Variants in PARD3 observed in about 807,000 individuals in gnomAD.
The protein encoded by PARD3 is par-3 family cell polarity regulator.
Under a neutral mutation model 155.4 loss-of-function variants are expected in PARD3, and 75 were observed. That is an observed-to-expected ratio of 0.48 (90% CI 0.40 to 0.58). The LOEUF (loss-of-function observed/expected upper bound fraction) is 0.58, where lower values mean the gene tolerates loss of function less well. PARD3 is among the 20% of genes least tolerant of loss of function. The pLI is 0.00. For synonymous variants in PARD3, 576 were observed against 610.5 expected, an observed-to-expected ratio of 0.94 and a Z score of 0.83; for missense variants, 1,642 against 1,721.7, an observed-to-expected ratio of 0.95 and a Z score of 0.82.
intron 14 of PARD3, among the ~76,000 whole-genome samples, chr10:34,348,910 C>G (rs1837710221): frequency 6.6e-6 from 1 of 152,164 alleles, no homozygotes; most frequent in South Asian, 2.1e-4. Flanking sequence ...CTTAAAACAG[C>G]TAGCTGTGTC....
At chr10:34,297,590 C>T (rs545451767) in intron 20 of PARD3, among the ~76,000 whole-genome samples, 3 of 152,296 alleles carry the variant, frequency 2.0e-5, no homozygotes, top group Admixed American at 6.5e-5. Flanking sequence ...TGGAAGCCCA[C>T]GACCATTTCA....
chr10:34,772,033 T>C (rs1333630533), intron 1 of PARD3, among the ~76,000 whole-genome samples: 1 of 152,154 alleles, frequency 6.6e-6, no homozygotes, highest in African/African-American at 2.4e-5. Context: ...GTGGCCTACA[T>C]TCATCTCGCC....
intron 22 of PARD3, among the ~76,000 whole-genome samples, chr10:34,246,079 G>A (rs772435105): frequency 2.0e-5 from 3 of 152,228 alleles, no homozygotes; most frequent in East Asian, 1.9e-4. Flanking sequence ...TAAGTCAAAT[G>A]TGGACACATT....
chr10:34,584,011 C>T (rs891518349), intron 2 of PARD3, among the ~76,000 whole-genome samples: 4 of 152,016 alleles, frequency 2.6e-5, no homozygotes, highest in Admixed American at 6.6e-5. Flanking sequence ...TTTATTAGAG[C>T]GTAACAAATT....
chr10:34,697,452 A>G (rs2094195562), intron 1 of PARD3, among the ~76,000 whole-genome samples: 1 of 152,224 alleles, frequency 6.6e-6, no homozygotes, highest in African/African-American at 2.4e-5. Context: ...ACCCTGTTCC[A>G]GATCTACTGA....
chr10:34,559,524 C>G (rs751817197), intron 2 of PARD3, among the ~76,000 whole-genome samples: 1 of 151,572 alleles, frequency 6.6e-6, no homozygotes, highest in Non-Finnish European at 1.5e-5. Context: ...AACCTAAACA[C>G]TGAGATGTGA....
chr10:34,113,272 G>T (rs887892776), intron 24 of PARD3, among the ~76,000 whole-genome samples: 1 of 152,124 alleles, frequency 6.6e-6, no homozygotes, highest in African/African-American at 2.4e-5. Flanking sequence ...TACGGCAGCT[G>T]TGCACCCTAA....
intron 2 of PARD3, among the ~76,000 whole-genome samples, chr10:34,681,611 A>G (rs1282399442): frequency 2.0e-5 from 3 of 148,320 alleles, no homozygotes; most frequent in African/African-American, 4.9e-5. Context: ...ACATTTTGCT[A>G]GCATTTTCCT....
Position 34,417,798 on chromosome 10 carries a change from C to G in PARD3, c.715-15881G>C, listed in dbSNP as rs953567852. Among the ~76,000 whole-genome samples the G allele has an allele frequency of 7.2e-5, 11 of 152,226 alleles. 1 individual carries two copies. The South Asian group carries it at 2.3e-3, about 32-fold the overall frequency. On this transcript the variant is annotated intron_variant, in intron 5 of 24. Transcript: ENST00000374788. Reference sequence around the variant, plus strand: ...ACAAAGAGAAATACCCTTCCTTAACCAAATTACCAATGTGATTTTATAAAA... The same window carrying G: ...ACAAAGAGAAATACCCTTCCTTAACGAAATTACCAATGTGATTTTATAAAA...
rs369681016 is a variant in PARD3 at position 34,416,150 on chromosome 10, G to A, written c.715-14233C>T. Among the ~76,000 whole-genome samples the A allele has an allele frequency of 7.2e-5, 11 of 152,276 alleles. No individual in the cohort carries two copies. In the East Asian group the frequency reaches 7.7e-4, roughly 11 times the overall value. On this transcript the variant is annotated intron_variant, in intron 5 of 24. Coordinates refer to ENST00000374788, the MANE Select transcript of PARD3 (RefSeq NM_001184785.2). ...GAGCTACTTAATAATAGGACACACCGCTTGTAAACAGAGTGCAAAATCCAC... is the reference window on the plus strand; with the variant it reads ...GAGCTACTTAATAATAGGACACACCACTTGTAAACAGAGTGCAAAATCCAC...
intron 22 of PARD3, among the ~76,000 whole-genome samples, chr10:34,253,799 T>C (rs1217433268): frequency 6.6e-6 from 1 of 152,162 alleles, no homozygotes; most frequent in African/African-American, 2.4e-5. Flanking sequence ...CAGGAAGATA[T>C]AAATCCAGTA....
chr10:34,410,590 A>C (rs1844946783), intron 5 of PARD3, among the ~76,000 whole-genome samples: 1 of 152,222 alleles, frequency 6.6e-6, no homozygotes, highest in African/African-American at 2.4e-5. Context: ...GCCAGTATCA[A>C]ACTACTTTCT....
chr10:34,165,876 C>A (rs1250817101), intron 22 of PARD3, among the ~76,000 whole-genome samples: 1 of 152,152 alleles, frequency 6.6e-6, no homozygotes, highest in Non-Finnish European at 1.5e-5. Flanking sequence ...AAAACACAAC[C>A]ATTATTCTAA....
chr10:34,141,766 G>A (rs923118618), intron 22 of PARD3, among the ~76,000 whole-genome samples: 2 of 152,140 alleles, frequency 1.3e-5, no homozygotes, highest in Non-Finnish European at 2.9e-5. Flanking sequence ...CAGAGAACAT[G>A]CAAGCGCAAA....
chr10:34,466,664 G>T (rs1488144951), intron 4 of PARD3, among the ~76,000 whole-genome samples: 1 of 152,080 alleles, frequency 6.6e-6, no homozygotes, highest in African/African-American at 2.4e-5. Context: ...AGACTCATAA[G>T]AATTTATAAC....
At chr10:34,635,990 T>C (rs1003859553) in intron 2 of PARD3, among the ~76,000 whole-genome samples, 3 of 149,426 alleles carry the variant, frequency 2.0e-5, no homozygotes, top group African/African-American at 7.4e-5. Flanking sequence ...TACGCAAGGA[T>C]AACTTTTCTT....
At chr10:34,351,687 C>T (rs185116516) in intron 14 of PARD3, among the ~76,000 whole-genome samples, 7 of 152,310 alleles carry the variant, frequency 4.6e-5, no homozygotes, top group Middle Eastern at 3.4e-3. Flanking sequence ...AGAATTTCTC[C>T]GATTACATCA....
chr10:34,165,088 TA>T (rs61566296), intron 22 of PARD3, among the ~76,000 whole-genome samples: 38 of 147,334 alleles, frequency 2.6e-4, no homozygotes, highest in South Asian at 8.7e-4. Flanking sequence ...AGATACAGAC[TA>T]AAAAAAAAAG....
chr10:34,111,539 G>A lies in PARD3; in HGVS notation c.3692C>T (p.Ser1231Leu), dbSNP rs377613171. The A allele has an allele frequency of 1.1e-4, 171 of 1,596,744 alleles. No homozygotes were observed. The highest frequency in any genetic ancestry group is 1.7e-4 in the Middle Eastern group (1 of 5,856). ...CTGCTCCCAAGAGTCCTGGGAGACC[G>A]AGCTGGCATTTTTCCTGCTTTGCCT... Reference protein sequence around the residue: ...LPRQSRKNASSVSQDSWEQNY... With the variant: ...LPRQSRKNASLVSQDSWEQNY... Residue 1231 changes from serine (S) to leucine (L), a missense_variant, in exon 25 of 25, where the codon TCG becomes TTG. Physicochemically the swap from Ser to Leu is moderately radical, Grantham distance 145. This residue lies in a region of PARD3 where 1,529 missense variants were observed against 1,587.3 expected (regional missense o/e 0.96). Transcript: ENST00000374788.
Sources: allele counts gnomAD v4.1 joint callset (sites outside exome capture counted in the v4.1 genomes callset), GRCh38; gene constraint gnomAD v4.1.1; regional missense constraint gnomAD v4.1.1; transcripts MANE v1.5; gene names NCBI Gene and HGNC (gene_info 2026-07-23, HGNC 2026-07-21).